The following BUD13 variants were observed in gnomAD, a reference collection of about 807,000 sequenced individuals.
BUD13 encodes the protein BUD13 spliceosome associated protein.
BUD13 carries 47 observed loss-of-function variants against 62.5 expected under a neutral mutation model. The ratio of observed to expected loss-of-function variants is 0.75; its 90% CI spans 0.60 to 0.96. BUD13 has a LOEUF of 0.96. Among genes scored for constraint, BUD13 ranks in the 40% least tolerant of loss-of-function variants. The pLI is 0.00. For missense variants in BUD13, 821 were observed against 790.9 expected, an observed-to-expected ratio of 1.04 and a Z score of -0.46; for synonymous variants, 293 against 280.1, an observed-to-expected ratio of 1.05 and a Z score of -0.46.
intron 5 of BUD13, among the ~76,000 whole-genome samples, chr11:116,760,202 T>A (rs890493813): frequency 6.6e-6 from 1 of 152,256 alleles, no homozygotes; most frequent in Non-Finnish European, 1.5e-5. Flanking sequence ...ACTAGATGCT[T>A]ACTTTGTCCC....
intron 2 of BUD13, 33 bp from the exon 3 acceptor site, chr11:116,765,479 T>G (rs1368598300): frequency 6.2e-7 from 1 of 1,611,330 alleles, no homozygotes; most frequent in African/African-American, 1.3e-5. Context: ...TCTTAGGAAA[T>G]CCACAGGATC....
chr11:116,769,901 A>G (rs1393302980), intron 2 of BUD13, among the ~76,000 whole-genome samples: 8 of 151,974 alleles, frequency 5.3e-5, no homozygotes, highest in African/African-American at 1.7e-4. Flanking sequence ...AAATTAAAAA[A>G]AAAAAATTAG....
chr11:116,754,167 T>G (rs1484181363), intron 9 of BUD13, among the ~76,000 whole-genome samples: 2 of 152,196 alleles, frequency 1.3e-5, no homozygotes, highest in African/African-American at 4.8e-5. Context: ...CACCTCAGCC[T>G]CCACAGTAGC....
chr11:116,769,588 TC>T (rs747221539), intron 2 of BUD13, among the ~76,000 whole-genome samples: 1 of 152,318 alleles, frequency 6.6e-6, no homozygotes. Context: ...CGAGAAGTCC[TC>T]TCTCTGTGAT....
chr11:116,758,867 C>T (rs1341997607), intron 6 of BUD13, among the ~76,000 whole-genome samples: 1 of 152,058 alleles, frequency 6.6e-6, no homozygotes, highest in Non-Finnish European at 1.5e-5. Context: ...GCTGGGATTA[C>T]AAGCATGAGC....
At chr11:116,753,245 C>T (rs1940270305) in intron 9 of BUD13, among the ~76,000 whole-genome samples, 2 of 152,090 alleles carry the variant, frequency 1.3e-5, no homozygotes. Flanking sequence ...GTGGGCAGAA[C>T]AGCTAGGAAA....
At chr11:116,757,071 A>G (rs760355073) in intron 9 of BUD13, 75 bp downstream of exon 9, 62 of 1,392,820 alleles carry the variant, frequency 4.5e-5, no homozygotes, top group Non-Finnish European at 5.7e-5. Context: ...AGAATGAAAT[A>G]AAGTGTGGAG....
chr11:116,757,241 T>C lies in BUD13; in HGVS notation c.1685-14A>G. On this transcript the variant is annotated splice_polypyrimidine_tract_variant and intron_variant, in intron 8 of 9. Transcript: ENST00000260210. ...AGCGAGGTCTCACTAATGAGAGGAGTAAGAAAAAAGTATTCAGTTAATGAC... is the reference window on the plus strand; with the variant it reads ...AGCGAGGTCTCACTAATGAGAGGAGCAAGAAAAAAGTATTCAGTTAATGAC... 6.2e-7 allele frequency: 1 copy of C among 1,606,228 alleles called. No homozygotes were observed. The highest frequency in any genetic ancestry group is 8.5e-7 in the Non-Finnish European group (1 of 1,173,924).
intron 8 of BUD13, among the ~76,000 whole-genome samples, chr11:116,757,462 T>C (rs1940347847): frequency 1.3e-5 from 1 of 77,224 alleles, no homozygotes; most frequent in Non-Finnish European, 2.5e-5. Flanking sequence ...TGACCGGCTA[T>C]TTTTTTTTTT....
intron 2 of BUD13, among the ~76,000 whole-genome samples, chr11:116,767,849 T>C (rs1940558847): frequency 6.6e-6 from 1 of 151,592 alleles, no homozygotes. Flanking sequence ...GGTGCGCACC[T>C]GTGGTACCAG....
chr11:116,769,009 C>T lies in BUD13; in HGVS notation c.237+1120G>A, dbSNP rs192265302. Among the ~76,000 whole-genome samples the T allele has an allele frequency of 3.7e-3, 460 of 123,720 alleles. 1 individual carries two copies. The highest frequency in any genetic ancestry group is 0.012 in the African/African-American group (383 of 31,530). The allele number at this position is 123,720 out of a possible 152,430, so 81.2% of individuals were successfully genotyped here. On this transcript the variant is annotated intron_variant, in intron 2 of 9. Coordinates refer to ENST00000260210, the MANE Select transcript of BUD13 (RefSeq NM_032725.4). ...AAGCCTGGGCAACACGGTGAGACTC[C>T]GTCTCAAAAAAAAAAAAAAAAAAAG...
At chr11:116,750,344 A>G (rs915397972) in intron 9 of BUD13, among the ~76,000 whole-genome samples, 1 of 152,190 alleles carries the variant, frequency 6.6e-6, no homozygotes, top group Non-Finnish European at 1.5e-5. Context: ...TTTAATTACC[A>G]TGCATTCTCT....
chr11:116,772,662 G>C (rs1361852279), intron 1 of BUD13, among the ~76,000 whole-genome samples, 160 bp downstream of exon 1: 1 of 151,556 alleles, frequency 6.6e-6, no homozygotes, highest in Non-Finnish European at 1.5e-5. Flanking sequence ...GGCAAGGCGG[G>C]GGGCCTCAAG....
At chr11:116,771,319 A>T (rs1351219184) in intron 1 of BUD13, among the ~76,000 whole-genome samples, 1 of 152,232 alleles carries the variant, frequency 6.6e-6, no homozygotes, top group African/African-American at 2.4e-5. Flanking sequence ...CCACAAGAAC[A>T]GGGACTATGT....
intron 9 of BUD13, among the ~76,000 whole-genome samples, chr11:116,748,980 C>CAAAAAAAAAAAAAAAAAAAAGAAA (rs1940188158): frequency 1.1e-5 from 1 of 87,016 alleles, no homozygotes. Flanking sequence ...GACTCTGTCT[C>CAAAAAAAAAAAAAAAAAAAAGAAA]AAAAAAAAAA....
intron 9 of BUD13, among the ~76,000 whole-genome samples, chr11:116,748,912 ACAG>A (rs1432055645): frequency 6.7e-6 from 1 of 149,262 alleles, no homozygotes; most frequent in Non-Finnish European, 1.5e-5. Context: ...TTGAACCTGG[ACAG>A]CAGAGGTTGC....
At chr11:116,767,236 TG>T (rs1296643160) in intron 2 of BUD13, among the ~76,000 whole-genome samples, 1 of 149,716 alleles carries the variant, frequency 6.7e-6, no homozygotes, top group African/African-American at 2.5e-5. Context: ...AAAAGGCAAA[TG>T]ATAAAATACA....
At position 116,763,122 on chromosome 11, in the gene BUD13, C is replaced by G; in HGVS notation, c.467G>C (p.Arg156Pro). The change falls in exon 4 of 10, where the codon CGT becomes CCT. Residue 156 changes from arginine to proline, a missense_variant. By Grantham distance (103) the Arg-to-Pro change is moderately radical. Transcript: ENST00000260210. Reference sequence around the variant, plus strand: ...GGGAGAAGGATCCGGGGTGTCATGACGGGCCCTCCTAGGAGATGGATCCGG... The same window carrying G: ...GGGAGAAGGATCCGGGGTGTCATGAGGGGCCCTCCTAGGAGATGGATCCGG... Reference protein sequence around the residue: ...DTPDPSPRRARHDTPDPSPLR... With the variant: ...DTPDPSPRRAPHDTPDPSPLR... The G allele has an allele frequency of 6.2e-7, 1 of 1,605,234 alleles. No individual in the cohort carries two copies. Among genetic ancestry groups the G allele is most frequent in the Non-Finnish European group, 8.5e-7 (1 of 1,173,492 alleles).
intron 8 of BUD13, 57 bp from the exon 9 acceptor site, chr11:116,757,284 T>C (rs1940344404): frequency 1.3e-6 from 2 of 1,490,032 alleles, no homozygotes; most frequent in South Asian, 1.2e-5. Flanking sequence ...AATTCAGAGC[T>C]GGATGGCAAT....
Sources: allele counts gnomAD v4.1 joint callset (sites outside exome capture counted in the v4.1 genomes callset), GRCh38; gene constraint gnomAD v4.1.1; transcripts MANE v1.5; gene names NCBI Gene and HGNC (gene_info 2026-07-23, HGNC 2026-07-21).